The following CSAG3 variants were observed in gnomAD, a reference collection of about 807,000 sequenced individuals.
The protein encoded by CSAG3 is CSAG family member 3.
For synonymous variants in CSAG3, 4 were observed against 34.0 expected (o/e 0.12, Z 3.07); for missense variants, 15 against 93.0 (o/e 0.16, Z 3.45).
upstream of CSAG3, chrX:152,758,857 C>G (rs1391139198): frequency 3.2e-5 from 3 of 93,153 alleles, no homozygotes; most frequent in East Asian, 7.7e-4. Context: ...CTCTCTCTCT[C>G]TCTCTCTCTC....
chrX:152,757,605 TTATATATATATATATATATGTATA>T (rs1175257419), upstream of CSAG3, among the ~76,000 whole-genome samples: 6 of 42,058 alleles, frequency 1.4e-4, 2 homozygotes, highest in East Asian at 3.9e-3. Context: ...CAATGTCTGG[TTATATATATATATATATATGTATA>T]TATATATATA....
chrX:152,757,623 ATG>A (rs1233314643), upstream of CSAG3, among the ~76,000 whole-genome samples: 12,038 of 51,802 alleles, frequency 0.23, 2,983 homozygotes, highest in Non-Finnish European at 0.26. Context: ...ATATATATAT[ATG>A]TATATATATA....
upstream of CSAG3, chrX:152,759,122 T>G (rs1818360032): frequency 3.8e-6 from 1 of 264,070 alleles, no homozygotes; most frequent in Non-Finnish European, 7.0e-6. Context: ...GGTGACACAA[T>G]TTTTTTTTTG....
chrX:152,758,829 T>TCTTTCTCTCTCTCTCTC (rs1932603172), upstream of CSAG3: 4 of 50,635 alleles, frequency 7.9e-5, 1 homozygote, highest in African/African-American at 2.9e-4. Context: ...CTCTCTCTCT[T>TCTTTCTCTCTCTCTCTC]TCTCTCTCTC....
chrX:152,758,829 T>TTC (rs1170908672), upstream of CSAG3: 1,176 of 50,870 alleles, frequency 0.023, 17 homozygotes, highest in Middle Eastern at 0.05. Context: ...CTCTCTCTCT[T>TTC]TCTCTCTCTC....
chrX:152,760,016 AC>A, exon 2 of CSAG3: 1 of 832,255 alleles, frequency 1.2e-6, no homozygotes, highest in Non-Finnish European at 1.8e-6. Context: ...CCATAGCGGG[AC>A]CACAAGGGCA....
upstream of CSAG3, among the ~76,000 whole-genome samples, chrX:152,757,581 T>C (rs1440361987): frequency 2.4e-5 from 1 of 42,104 alleles, no homozygotes; most frequent in Non-Finnish European, 3.8e-5. Context: ...TTCCTTTTCA[T>C]TGAGGAGTAG....
chrX:152,755,510 A>T (rs1423390255), upstream of CSAG3, among the ~76,000 whole-genome samples: 2 of 113,785 alleles, frequency 1.8e-5, no homozygotes, highest in African/African-American at 3.2e-5. Context: ...TCTGTTGCAC[A>T]CCTCGTTCTG....
chrX:152,758,877 T>TCTCTCTCTCTCTCTC (rs1375603795), upstream of CSAG3: 95 of 50,179 alleles, frequency 1.9e-3, 4 homozygotes, highest in African/African-American at 3.5e-3. Flanking sequence ...CTCTCTCTCT[T>TCTCTCTCTCTCTCTC]TCTTTCTCTC....
chrX:152,759,618 C>T, exon 1 of CSAG3: 2 of 1,198,960 alleles, frequency 1.7e-6, no homozygotes, highest in South Asian at 3.5e-5. Context: ...AACAACCACC[C>T]ACCAACACCA....
upstream of CSAG3, chrX:152,758,861 C>A (rs1414096028): frequency 1.0e-5 from 1 of 95,819 alleles, no homozygotes; most frequent in South Asian, 5.0e-4. Context: ...CTCTCTCTCT[C>A]TCTCTCTCTC....
chrX:152,758,849 C>G (rs1932607802), upstream of CSAG3: 2 of 91,950 alleles, frequency 2.2e-5, no homozygotes, highest in African/African-American at 4.2e-5. Context: ...CTCTCTCTCT[C>G]TCTCTCTCTC....
At chrX:152,758,800 G>C (rs1385656225), upstream of CSAG3, 793 of 80,489 alleles carry the variant, frequency 9.9e-3, no homozygotes, top group South Asian at 0.016. Context: ...GTGCCTACAT[G>C]ACCTTTCTCT....
chrX:152,758,877 T>TCTCTCTCTCTC (rs1375603795), upstream of CSAG3: 66 of 50,203 alleles, frequency 1.3e-3, 4 homozygotes, highest in East Asian at 0.012. Flanking sequence ...CTCTCTCTCT[T>TCTCTCTCTCTC]TCTTTCTCTC....
At chrX:152,758,829 T>TTCTCTCTCTCTCTCTCTCTC (rs1170908672), upstream of CSAG3, 36 of 50,602 alleles carry the variant, frequency 7.1e-4, no homozygotes, top group Non-Finnish European at 1.1e-3. Context: ...CTCTCTCTCT[T>TTCTCTCTCTCTCTCTCTCTC]TCTCTCTCTC....
chrX:152,758,893 CT>C (rs1932611924), upstream of CSAG3: 1 of 84,076 alleles, frequency 1.2e-5, no homozygotes, highest in African/African-American at 4.6e-5. Flanking sequence ...CTCTCTCTCT[CT>C]GCACATGCAC....
chrX:152,757,625 G>GTA (rs1351547990), upstream of CSAG3, among the ~76,000 whole-genome samples: 224 of 36,331 alleles, frequency 6.2e-3, 37 homozygotes, highest in African/African-American at 0.023. Context: ...ATATATATAT[G>GTA]TATATATATA....
chrX:152,758,891 C>CTCTCTCTCTCTCTCTCTT, upstream of CSAG3: 1 of 83,118 alleles, frequency 1.2e-5, no homozygotes, highest in Non-Finnish European at 2.3e-5. Context: ...TTCTCTCTCT[C>CTCTCTCTCTCTCTCTCTT]TCTGCACATG....
At chrX:152,758,877 T>TCTCTCTCTCTCTCTCTCTCTCTCTC (rs1375603795), upstream of CSAG3, 3 of 50,210 alleles carry the variant, frequency 6.0e-5, no homozygotes, top group African/African-American at 1.6e-4. Flanking sequence ...CTCTCTCTCT[T>TCTCTCTCTCTCTCTCTCTCTCTCTC]TCTTTCTCTC....
Sources: gnomAD v4.1 joint callset for allele counts (sites outside exome capture counted in the v4.1 genomes callset) on GRCh38, gnomAD v4.1.1 for gene constraint, MANE v1.5 for transcripts, NCBI Gene and HGNC (gene_info 2026-07-23, HGNC 2026-07-21) for gene names.